The following DENND1A variants were observed in gnomAD, a reference collection of about 807,000 sequenced individuals.
DENND1A encodes the protein DENN domain containing 1A.
DENND1A carries 51 observed loss-of-function variants against 113.7 expected under a neutral mutation model. The observed-to-expected ratio is 0.45, with a 90% CI of 0.36 to 0.57. The LOEUF is 0.57. Among genes scored for constraint, DENND1A ranks in the 20% least tolerant of loss-of-function variants. The probability of loss-of-function intolerance (pLI) is 0.00; values close to 1 mark genes in which losing one functional copy is unlikely to be tolerated. For synonymous variants in DENND1A, 565 were observed against 570.8 expected (o/e 0.99, Z 0.14); for missense variants, 1,258 against 1,395.9 (o/e 0.90, Z 1.57).
intron 10 of DENND1A, among the ~76,000 whole-genome samples, chr9:123,629,785 G>T (rs1348390798): frequency 4.6e-5 from 7 of 152,320 alleles, no homozygotes; most frequent in Non-Finnish European, 8.8e-5. Flanking sequence ...TAAGGAATGT[G>T]CCAGGGCATG....
Position 123,807,735 on chromosome 9 carries a change from C to T in DENND1A, c.89-15105G>A, listed in dbSNP as rs1835836155. On this transcript the variant is annotated intron_variant, in intron 2 of 23. Coordinates refer to ENST00000394215, the MANE Select transcript of DENND1A (RefSeq NM_001352964.2). Reference sequence around the variant, plus strand: ...CTCCAGCCAACTCTCCTTCAACAGACTTCATGGAATGCCTATTCTGTGTCA... The same window carrying T: ...CTCCAGCCAACTCTCCTTCAACAGATTTCATGGAATGCCTATTCTGTGTCA... Among the ~76,000 whole-genome samples, 3 of 152,202 alleles carry T rather than the reference C, an allele frequency of 2.0e-5. No homozygotes were observed. The East Asian group carries it at 5.8e-4, about 29-fold the overall frequency.
intron 5 of DENND1A, among the ~76,000 whole-genome samples, chr9:123,679,375 G>A (rs1386933289): frequency 2.6e-5 from 4 of 152,134 alleles, no homozygotes; most frequent in Non-Finnish European, 4.4e-5. Context: ...TACTATAGAT[G>A]GCACCCTGGT....
At chr9:123,716,072 T>C (rs960046144) in intron 5 of DENND1A, among the ~76,000 whole-genome samples, 2 of 152,202 alleles carry the variant, frequency 1.3e-5, no homozygotes, top group Non-Finnish European at 2.9e-5. Context: ...AGGATACATG[T>C]GATCTTGGCT....
chr9:123,704,179 T>C (rs2066045238), intron 5 of DENND1A, among the ~76,000 whole-genome samples: 1 of 151,358 alleles, frequency 6.6e-6, no homozygotes, highest in African/African-American at 2.4e-5. Context: ...CTCAGAAAAG[T>C]AAACAAGCAA....
intron 2 of DENND1A, among the ~76,000 whole-genome samples, chr9:123,818,250 G>A (rs1319712696): frequency 6.6e-6 from 1 of 151,044 alleles, no homozygotes; most frequent in Non-Finnish European, 1.5e-5. Context: ...GACTACAGGC[G>A]CCTGCCACCA....
At chr9:123,786,308 C>T (rs1832165138) in intron 3 of DENND1A, among the ~76,000 whole-genome samples, 1 of 152,072 alleles carries the variant, frequency 6.6e-6, no homozygotes, top group Non-Finnish European at 1.5e-5. Context: ...CTTCTCTATA[C>T]CACTTAACTC....
intron 2 of DENND1A, among the ~76,000 whole-genome samples, chr9:123,804,643 G>C (rs563767537): frequency 1.8e-4 from 28 of 152,156 alleles, no homozygotes; most frequent in African/African-American, 5.8e-4. Context: ...ATCTCCACTT[G>C]ACGTCTCAAA....
chr9:123,507,618 G>T (rs539239510), intron 13 of DENND1A, among the ~76,000 whole-genome samples: 1 of 152,030 alleles, frequency 6.6e-6, no homozygotes, highest in Non-Finnish European at 1.5e-5. Flanking sequence ...GGAGGCCGAG[G>T]GGGGCAGCTC....
At chr9:123,549,793 C>T (rs1041870018) in intron 13 of DENND1A, among the ~76,000 whole-genome samples, 2 of 152,060 alleles carry the variant, frequency 1.3e-5, no homozygotes, top group Non-Finnish European at 2.9e-5. Flanking sequence ...TTTGCTTGTA[C>T]CTATGTAAAC....
chr9:123,386,675 C>T (rs766282589), intron 22 of DENND1A, among the ~76,000 whole-genome samples: 1 of 152,192 alleles, frequency 6.6e-6, no homozygotes, highest in Non-Finnish European at 1.5e-5. Context: ...TGAGCCACTG[C>T]GCTTGGCAAG....
intron 13 of DENND1A, among the ~76,000 whole-genome samples, chr9:123,461,614 AAG>A (rs2048531510): frequency 6.6e-6 from 1 of 152,188 alleles, no homozygotes; most frequent in African/African-American, 2.4e-5. Context: ...CGATACATTC[AAG>A]AGAGTTTGCA....
intron 10 of DENND1A, among the ~76,000 whole-genome samples, chr9:123,617,566 C>G (rs1433564033): frequency 1.3e-5 from 2 of 152,210 alleles, no homozygotes; most frequent in Non-Finnish European, 2.9e-5. Flanking sequence ...ACAAAGATAA[C>G]ACCTGGACAA....
chr9:123,713,016 G>C (rs2066734712), intron 5 of DENND1A, among the ~76,000 whole-genome samples: 1 of 152,216 alleles, frequency 6.6e-6, no homozygotes, highest in South Asian at 2.1e-4. Flanking sequence ...TGATGGAAAA[G>C]GGAGTACTGA....
At chr9:123,925,139 CTG>C (rs1417716375) in intron 1 of DENND1A, among the ~76,000 whole-genome samples, 1 of 152,194 alleles carries the variant, frequency 6.6e-6, no homozygotes, top group Non-Finnish European at 1.5e-5. Flanking sequence ...AGGAGTGAAT[CTG>C]TATTATTCAC....
intron 13 of DENND1A, among the ~76,000 whole-genome samples, chr9:123,467,222 C>T (rs1392810316): frequency 6.6e-6 from 1 of 152,134 alleles, no homozygotes; most frequent in Non-Finnish European, 1.5e-5. Context: ...GCTGAATGTC[C>T]CCACATCCTG....
At chr9:123,628,259 A>C (rs978823611) in intron 10 of DENND1A, among the ~76,000 whole-genome samples, 2 of 151,820 alleles carry the variant, frequency 1.3e-5, no homozygotes, top group African/African-American at 4.8e-5. Flanking sequence ...GATGGGAAGG[A>C]GATGTGGACA....
At chr9:123,529,324 CT>C (rs1265370959) in intron 13 of DENND1A, among the ~76,000 whole-genome samples, 1 of 152,164 alleles carries the variant, frequency 6.6e-6, no homozygotes, top group African/African-American at 2.4e-5. Flanking sequence ...TAGACCCCTT[CT>C]CCCCCGACTG....
At chr9:123,703,377 GA>G (rs2065994033) in intron 5 of DENND1A, among the ~76,000 whole-genome samples, 1 of 152,134 alleles carries the variant, frequency 6.6e-6, no homozygotes, top group South Asian at 2.1e-4. Context: ...TTAAACTACA[GA>G]GTTTTTTGGT....
intron 2 of DENND1A, among the ~76,000 whole-genome samples, chr9:123,810,061 C>T (rs542318418): frequency 6.6e-6 from 1 of 152,156 alleles, no homozygotes; most frequent in Non-Finnish European, 1.5e-5. Flanking sequence ...GGTTTCCTCC[C>T]TCTTGCTATT....
Sources: allele counts gnomAD v4.1 joint callset (sites outside exome capture counted in the v4.1 genomes callset), GRCh38; gene constraint gnomAD v4.1.1; transcripts MANE v1.5; gene names NCBI Gene and HGNC (gene_info 2026-07-23, HGNC 2026-07-21).